CDH4: variants seen among roughly 807,000 people sequenced by gnomAD.
CDH4 encodes cadherin-4.
A neutral mutation model predicts 86.0 loss-of-function variants in CDH4; 33 were observed. The ratio of observed to expected loss-of-function variants is 0.38; its 90% CI spans 0.29 to 0.51. The LOEUF is 0.51. CDH4 is among the 20% of genes least tolerant of loss of function. CDH4 has a pLI of 0.86. For synonymous variants in CDH4, 555 were observed against 549.4 expected (o/e 1.01, Z -0.14); for missense variants, 1,114 against 1,307.4 (o/e 0.85, Z 2.28).
chr20:61,499,606 A>C (rs1224232548), intron 2 of CDH4: 6 of 1,022,238 alleles, frequency 5.9e-6, no homozygotes, highest in Non-Finnish European at 6.5e-6. Flanking sequence ...GGAGGGCTCC[A>C]AGCCAGAATT....
rs570690207 is a variant in CDH4 at position 61,755,619 on chromosome 20, C to T, written c.396+11830C>T. On this transcript the variant is annotated intron_variant, in intron 3 of 15. Transcript: ENST00000614565. ...ATACACAGTGCATGCTGCACACACC[C>T]ACACACATGCCCCACACACCACACA... Among the ~76,000 whole-genome samples, 9 of 150,704 alleles carry T rather than the reference C, an allele frequency of 6.0e-5. 1 individual carries two copies. In the South Asian group the frequency reaches 1.3e-3, roughly 21 times the overall value.
intron 2 of CDH4, among the ~76,000 whole-genome samples, chr20:61,574,198 A>G (rs955589244): frequency 6.6e-6 from 1 of 152,206 alleles, no homozygotes; most frequent in African/African-American, 2.4e-5. Flanking sequence ...CCTTGCACAC[A>G]TATAGATTCA....
chr20:61,550,097 C>T (rs1345107754), intron 2 of CDH4, among the ~76,000 whole-genome samples: 2 of 148,054 alleles, frequency 1.4e-5, no homozygotes, highest in Non-Finnish European at 3.0e-5. Context: ...CTCCCTGCCC[C>T]AGCTTCTCTG....
chr20:61,526,956 T>A (rs1227804260), intron 2 of CDH4, among the ~76,000 whole-genome samples: 1 of 152,250 alleles, frequency 6.6e-6, no homozygotes, highest in East Asian at 1.9e-4. Flanking sequence ...AAGTTTGATA[T>A]GTCAAGCGTT....
intron 2 of CDH4, among the ~76,000 whole-genome samples, chr20:61,345,390 C>T (rs896190414): frequency 6.6e-6 from 1 of 152,198 alleles, no homozygotes; most frequent in Non-Finnish European, 1.5e-5. Context: ...AAGCAGTGTT[C>T]GTTCTTGTAA....
chr20:61,741,813 C>T (rs2088341710), intron 2 of CDH4, among the ~76,000 whole-genome samples: 1 of 152,128 alleles, frequency 6.6e-6, no homozygotes, highest in African/African-American at 2.4e-5. Flanking sequence ...GCTGAGATGA[C>T]AGGCAGGAGC....
At chr20:61,324,303 C>G (rs1291846537) in intron 2 of CDH4, among the ~76,000 whole-genome samples, 2 of 152,138 alleles carry the variant, frequency 1.3e-5, no homozygotes, top group African/African-American at 4.8e-5. Context: ...CATTAGTGTC[C>G]TGGGGCTGCC....
chr20:61,545,961 CGTGT>C (rs149485653), intron 2 of CDH4, among the ~76,000 whole-genome samples: 1,043 of 48,306 alleles, frequency 0.022, 43 homozygotes, highest in Non-Finnish European at 0.027. Context: ...GGTGTGTGTT[CGTGT>C]GTGTGTGTGT....
At chr20:61,307,558 A>G (rs2084423982) in intron 2 of CDH4, among the ~76,000 whole-genome samples, 2 of 152,222 alleles carry the variant, frequency 1.3e-5, no homozygotes, top group Non-Finnish European at 2.9e-5. Flanking sequence ...TGAATCTTGA[A>G]CCTAGCTGGG....
chr20:61,659,593 A>G (rs1475614804), intron 2 of CDH4, among the ~76,000 whole-genome samples: 2 of 148,764 alleles, frequency 1.3e-5, no homozygotes, highest in Admixed American at 1.3e-4. Flanking sequence ...GGCCTCAGCC[A>G]TCTGAGGCTT....
At chr20:61,316,580 G>C (rs560806776) in intron 2 of CDH4, among the ~76,000 whole-genome samples, 1 of 152,222 alleles carries the variant, frequency 6.6e-6, no homozygotes, top group African/African-American at 2.4e-5. Flanking sequence ...CGCTTTGCTT[G>C]TTAAAGGGAA....
chr20:61,347,291 G>A (rs1003151960), intron 2 of CDH4, among the ~76,000 whole-genome samples: 7 of 152,318 alleles, frequency 4.6e-5, no homozygotes, highest in Admixed American at 1.3e-4. Context: ...TACTAGTGGC[G>A]GCTGAGTCTG....
chr20:61,824,800 TATA>T (rs1006438661), intron 4 of CDH4, among the ~76,000 whole-genome samples: 3 of 152,222 alleles, frequency 2.0e-5, no homozygotes, highest in Admixed American at 6.5e-5. Context: ...CACTAAGTTG[TATA>T]ATAATACCGG....
At position 61,644,764 on chromosome 20, in the gene CDH4, T is replaced by G. The variant is rs373382562; in HGVS notation, c.170-98799T>G. 2.3e-4 allele frequency among the ~76,000 whole-genome samples: 35 copies of G among 152,292 alleles called. No homozygotes were observed. In the East Asian group the frequency reaches 6.0e-3, roughly 26 times the overall value. ...CTTCGTGGAGTTCTGAAATACTTTGTGCATAGGAAGGGGCAGCCCACCGTC... is the reference window on the plus strand; with the variant it reads ...CTTCGTGGAGTTCTGAAATACTTTGGGCATAGGAAGGGGCAGCCCACCGTC... On this transcript the variant is annotated intron_variant, in intron 2 of 15. Coordinates refer to ENST00000614565, the MANE Select transcript of CDH4 (RefSeq NM_001794.5).
At chr20:61,396,256 G>C (rs943871329) in intron 2 of CDH4, among the ~76,000 whole-genome samples, 1 of 152,094 alleles carries the variant, frequency 6.6e-6, no homozygotes, top group Non-Finnish European at 1.5e-5. Flanking sequence ...GCCACATCCT[G>C]GTACCATCCT....
At chr20:61,490,062 C>G (rs2427131) in intron 2 of CDH4, among the ~76,000 whole-genome samples, 1 of 152,028 alleles carries the variant, frequency 6.6e-6, no homozygotes, top group Non-Finnish European at 1.5e-5. Flanking sequence ...CACATTGGTT[C>G]TTGGTTTTTG....
intron 2 of CDH4, among the ~76,000 whole-genome samples, chr20:61,600,829 A>G (rs1017395396): frequency 1.3e-5 from 2 of 151,716 alleles, no homozygotes; most frequent in African/African-American, 4.9e-5. Flanking sequence ...GTCACTTCAT[A>G]TTTTTTTAAA....
intron 2 of CDH4, among the ~76,000 whole-genome samples, chr20:61,585,228 T>A (rs1294351034): frequency 6.6e-6 from 1 of 152,244 alleles, no homozygotes; most frequent in Non-Finnish European, 1.5e-5. Flanking sequence ...ATGGGTGCTG[T>A]GCAGAGCAGC....
In CDH4 at chr20:61,681,064, A is replaced by G. The variant is rs184237147; in HGVS notation, c.170-62499A>G. On this transcript the variant is annotated intron_variant, in intron 2 of 15. Coordinates refer to ENST00000614565, the MANE Select transcript of CDH4 (RefSeq NM_001794.5). This position sits in a 1 kb window ranked among gnomAD's most constrained non-coding sequence, Gnocchi z 4.5. ...GAAAGAAACATGTAGCTTCTCTAAC[A>G]TAATCCCTCTGTGCCGTGCAATTAT... Among the ~76,000 whole-genome samples the G allele has an allele frequency of 1.4e-4, 22 of 152,340 alleles. No individual in the cohort carries two copies. Among genetic ancestry groups the G allele is most frequent in the Admixed American group, 9.8e-4 (15 of 15,294 alleles).
Sources: gnomAD v4.1 joint callset for allele counts (sites outside exome capture counted in the v4.1 genomes callset) on GRCh38, gnomAD v4.1.1 for gene constraint, Gnocchi (gnomAD v3.1) non-coding constraint, MANE v1.5 for transcripts, NCBI Gene and HGNC (gene_info 2026-07-23, HGNC 2026-07-21) for gene names.